The following BCOR variants were observed in gnomAD, a reference collection of about 807,000 sequenced individuals.
BCOR encodes the protein BCL-6 corepressor.
BCOR carries 10 observed loss-of-function variants against 86.7 expected under a neutral mutation model. That is an observed-to-expected ratio of 0.12 (90% CI 0.07 to 0.20). The LOEUF is 0.20. BCOR is among the 10% of genes least tolerant of loss of function. The probability of loss-of-function intolerance (pLI) is 1.00; values close to 1 mark genes in which losing one functional copy is unlikely to be tolerated. For synonymous variants in BCOR, 611 were observed against 609.0 expected (o/e 1.00, Z -0.05); for missense variants, 1,259 against 1,452.1 (o/e 0.87, Z 2.16).
chrX:40,085,982 T>TCC (rs1936340402), intron 1 of BCOR, among the ~76,000 whole-genome samples: 1 of 112,025 alleles, frequency 8.9e-6, no homozygotes, highest in Non-Finnish European at 1.9e-5. Context: ...GTTGATGAAG[T>TCC]CAGAGTAGGT....
At chrX:40,173,808 T>C (rs1938683018) in intron 1 of BCOR, among the ~76,000 whole-genome samples, 1 of 112,578 alleles carries the variant, frequency 8.9e-6, no homozygotes, top group Admixed American at 9.3e-5. Flanking sequence ...TTTAAATCAG[T>C]TCTCGGAGGA....
rs944825819 is a variant in BCOR at position 40,097,502 on chromosome X, G to C, written c.-328C>G. On this transcript the variant is annotated 5_prime_UTR_variant, in exon 1 of 15. Coordinates refer to ENST00000378444, the MANE Select transcript of BCOR (RefSeq NM_001123385.2). ...CTGGCAGCCGGCTGCCCTCGGGGTC[G>C]GCCCCGCCGAGGGGTGGGCTCTGGG... 8.5e-5 allele frequency: 9 copies of C among 105,366 alleles called. No individual in the cohort carries two copies. Among genetic ancestry groups the C allele is most frequent in the Non-Finnish European group, 9.9e-5 (5 of 50,253 alleles). 8.7% of individuals were successfully genotyped at this position (105,366 alleles called of 1,213,427 possible).
chrX:40,157,497 A>G (rs1938322080), intron 1 of BCOR, among the ~76,000 whole-genome samples: 1 of 112,702 alleles, frequency 8.9e-6, no homozygotes, highest in African/African-American at 3.2e-5. Context: ...AATGTTATGC[A>G]GAAAGACTAT....
intron 1 of BCOR, among the ~76,000 whole-genome samples, chrX:40,168,013 C>CGAA (rs1938538717): frequency 8.9e-6 from 1 of 112,568 alleles, no homozygotes; most frequent in African/African-American, 3.2e-5. Context: ...TCCTCCCTTT[C>CGAA]CCCTCCCCCA....
intron 12 of BCOR, 50 bp downstream of exon 12, chrX:40,055,318 G>A (rs746801715): frequency 7.3e-6 from 8 of 1,099,127 alleles, no homozygotes; most frequent in South Asian, 1.8e-5. Context: ...CTATTGTATC[G>A]AGTTATCATC....
chrX:40,082,020 T>C (rs978979347), intron 1 of BCOR, among the ~76,000 whole-genome samples: 2 of 112,588 alleles, frequency 1.8e-5, no homozygotes, highest in African/African-American at 6.5e-5. Context: ...TGAGTAGTCA[T>C]TCGCTCTTCA....
chrX:40,174,530 G>C (rs1938699670), intron 1 of BCOR, among the ~76,000 whole-genome samples: 2 of 112,990 alleles, frequency 1.8e-5, no homozygotes, highest in African/African-American at 6.4e-5. Flanking sequence ...CCAGCAGCGT[G>C]TACGCAGGAA....
chrX:40,120,819 C>A (rs757256323), intron 1 of BCOR, among the ~76,000 whole-genome samples: 1 of 112,177 alleles, frequency 8.9e-6, no homozygotes, highest in South Asian at 3.7e-4. Context: ...TGATGTATGC[C>A]ATGGAAAGAA....
At chrX:40,133,339 T>C (rs974305858) in intron 1 of BCOR, among the ~76,000 whole-genome samples, 1 of 111,266 alleles carries the variant, frequency 9.0e-6, no homozygotes, top group Non-Finnish European at 1.9e-5. Flanking sequence ...GGTTTCACCA[T>C]GTTGGTCAGG....
intron 1 of BCOR, among the ~76,000 whole-genome samples, chrX:40,124,545 G>T (rs1381856447): frequency 9.0e-6 from 1 of 110,779 alleles, no homozygotes; most frequent in African/African-American, 3.3e-5. Context: ...TTACACACGT[G>T]AGCCACGGCA....
intron 1 of BCOR, among the ~76,000 whole-genome samples, chrX:40,110,322 T>TA (rs902170199): frequency 7.9e-4 from 88 of 111,146 alleles, no homozygotes; most frequent in African/African-American, 2.5e-3. Context: ...CTTCAATAGT[T>TA]AAAAAAAAGA....
intron 1 of BCOR, among the ~76,000 whole-genome samples, chrX:40,109,678 T>C (rs1402441545): frequency 9.0e-6 from 1 of 111,222 alleles, no homozygotes; most frequent in African/African-American, 3.3e-5. Context: ...CACCGAGCGG[T>C]TTTGCGGAGC....
intron 1 of BCOR, among the ~76,000 whole-genome samples, chrX:40,159,858 C>G (rs932550014): frequency 1.8e-5 from 2 of 110,162 alleles, no homozygotes; most frequent in Non-Finnish European, 3.8e-5. Context: ...AGTCATAGGT[C>G]AAAGAAAATT....
intron 6 of BCOR, among the ~76,000 whole-genome samples, chrX:40,068,292 T>C (rs1410137127): frequency 8.9e-6 from 1 of 112,113 alleles, no homozygotes; most frequent in Non-Finnish European, 1.9e-5. Flanking sequence ...CCATGACATC[T>C]ACTCCCTCTG....
In BCOR at chrX:40,074,056, C is replaced by A. The variant is rs767549488; in HGVS notation, c.1290G>T (p.Gln430His). 8 of 1,210,991 alleles carry A rather than the reference C, an allele frequency of 6.6e-6. No homozygotes were observed. Among genetic ancestry groups the A allele is most frequent in the Non-Finnish European group, 7.8e-6 (7 of 895,445 alleles). The change falls in exon 4 of 15, where the codon CAG (glutamine) becomes CAT (histidine). Residue 430 changes from glutamine (Q) to histidine (H), a missense_variant. Gln to His is a conservative substitution (Grantham distance 24). This residue lies in a region of BCOR where 534 missense variants were observed against 594.8 expected (regional missense o/e 0.90). Coordinates refer to ENST00000378444, the MANE Select transcript of BCOR (RefSeq NM_001123385.2). ...DGSSPPLLEK[Q>H]TVTKDVTDKP... ...TATCTGTGACGTCTTTGGTAACGGT[C>A]TGCTTCTCCAACAGAGGAGGTGAGC...
At chrX:40,144,736 C>T (rs974451638) in intron 1 of BCOR, among the ~76,000 whole-genome samples, 18 of 110,798 alleles carry the variant, frequency 1.6e-4, no homozygotes, top group Non-Finnish European at 3.2e-4. Flanking sequence ...GCCCCCCCTC[C>T]CCGCCAAATC....
chrX:40,084,709 C>A (rs974088173), intron 1 of BCOR, among the ~76,000 whole-genome samples: 1 of 99,259 alleles, frequency 1.0e-5, no homozygotes, highest in South Asian at 4.5e-4. Context: ...CGCCACCCCC[C>A]CCCACCACCA....
intron 6 of BCOR, 73 bp from the exon 7 acceptor site, chrX:40,064,672 C>A: frequency 9.0e-7 from 1 of 1,114,815 alleles, no homozygotes; most frequent in Non-Finnish European, 1.2e-6. Flanking sequence ...CTGGGGAGTG[C>A]GTGGGACCAC....
intron 1 of BCOR, among the ~76,000 whole-genome samples, chrX:40,141,435 TGAGG>T (rs1193478936): frequency 8.9e-6 from 1 of 112,516 alleles, no homozygotes; most frequent in Non-Finnish European, 1.9e-5. Context: ...CCAGATGGCT[TGAGG>T]AAGGGCACCT....
Sources: gnomAD v4.1 joint callset for allele counts (sites outside exome capture counted in the v4.1 genomes callset) on GRCh38, gnomAD v4.1.1 for gene constraint, gnomAD v4.1.1 regional missense constraint, MANE v1.5 for transcripts, NCBI Gene and HGNC (gene_info 2026-07-23, HGNC 2026-07-21) for gene names.